Variants in KAT7 observed in about 807,000 individuals in gnomAD.
The protein encoded by KAT7 is lysine acetyltransferase 7.
KAT7 carries 10 observed loss-of-function variants against 82.1 expected under a neutral mutation model. The observed-to-expected ratio is 0.12, with a 90% confidence interval of 0.08 to 0.21. KAT7 has a LOEUF of 0.21. Among genes scored for constraint, KAT7 ranks in the 10% least tolerant of loss-of-function variants. KAT7 has a pLI of 1.00. For missense variants in KAT7, 378 were observed against 760.9 expected, an observed-to-expected ratio of 0.50 and a Z score of 5.92; for synonymous variants, 250 against 262.5, an observed-to-expected ratio of 0.95 and a Z score of 0.46.
chr17:49,804,432 C>T (rs116811570), intron 4 of KAT7, among the ~76,000 whole-genome samples: 3 of 151,252 alleles, frequency 2.0e-5, no homozygotes, highest in Non-Finnish European at 4.4e-5. Flanking sequence ...TTAAATAAAA[C>T]AAGCTTTCGT....
chr17:49,790,192 G>GT (rs1322385936), intron 1 of KAT7, among the ~76,000 whole-genome samples: 1 of 151,914 alleles, frequency 6.6e-6, no homozygotes, highest in African/African-American at 2.4e-5. Flanking sequence ...GTATGTATGT[G>GT]TTTTTTTGTT....
At chr17:49,820,132 T>C (rs1040652623) in intron 9 of KAT7, among the ~76,000 whole-genome samples, 2 of 152,186 alleles carry the variant, frequency 1.3e-5, no homozygotes, top group African/African-American at 4.8e-5. Context: ...CATGGCGCCA[T>C]GCGCCTATAA....
intron 12 of KAT7, among the ~76,000 whole-genome samples, chr17:49,825,530 G>A (rs1426522696): frequency 1.3e-5 from 2 of 152,030 alleles, no homozygotes; most frequent in East Asian, 1.9e-4. Flanking sequence ...AGTCAACTGC[G>A]GTCCAAAAAT....
intron 4 of KAT7, among the ~76,000 whole-genome samples, chr17:49,804,888 T>C (rs2074072613): frequency 6.6e-6 from 1 of 152,252 alleles, no homozygotes; most frequent in African/African-American, 2.4e-5. Flanking sequence ...ACTTATATGA[T>C]AGAAAAGGCC....
chr17:49,803,941 A>G (rs1487829646), intron 4 of KAT7, among the ~76,000 whole-genome samples: 5 of 148,320 alleles, frequency 3.4e-5, no homozygotes, highest in Admixed American at 6.8e-5. Flanking sequence ...CTTGCTATTC[A>G]GGTTAGCTAA....
At position 49,791,934 on chromosome 17, in the gene KAT7, A is replaced by G. The variant is rs768187260; in HGVS notation, c.64A>G (p.Thr22Ala). Reference sequence around the variant, plus strand: ...TGGAACCGAAGATTCCGATTTTTCTACAGATCTCGAGCACACAGACAGTTC... The same window carrying G: ...TGGAACCGAAGATTCCGATTTTTCTGCAGATCTCGAGCACACAGACAGTTC... ...SDGTEDSDFSTDLEHTDSSES... is the reference protein window; with the variant it reads ...SDGTEDSDFSADLEHTDSSES... Residue 22 changes from threonine to alanine, a missense_variant, in exon 2 of 15, where the codon ACA becomes GCA. Transcript: ENST00000259021. The G allele has an allele frequency of 2.0e-5, 33 of 1,614,070 alleles. No homozygotes were observed. The highest frequency in any genetic ancestry group is 2.8e-5 in the Non-Finnish European group (33 of 1,179,998).
At chr17:49,791,294 T>C (rs956032540) in intron 1 of KAT7, among the ~76,000 whole-genome samples, 3 of 152,226 alleles carry the variant, frequency 2.0e-5, no homozygotes, top group African/African-American at 7.2e-5. Context: ...CTCACTACAG[T>C]GGACCTTTTT....
In KAT7 at chr17:49,791,866, C is replaced by G; in HGVS notation, c.16-20C>G. On this transcript the variant is annotated intron_variant, in intron 1 of 14. Coordinates refer to ENST00000259021, the MANE Select transcript of KAT7 (RefSeq NM_007067.5). ...AGACCAAATGCTTCTGTGCTAATAT[C>G]TGGATCTATGGTATTACAGAGGAAT... The G allele has an allele frequency of 6.2e-7, 1 of 1,611,998 alleles. No individual in the cohort carries two copies. The highest frequency in any genetic ancestry group is 8.5e-7 in the Non-Finnish European group (1 of 1,178,178).
intron 6 of KAT7, among the ~76,000 whole-genome samples, chr17:49,811,262 A>G (rs550443199): frequency 1.3e-5 from 2 of 151,894 alleles, no homozygotes; most frequent in South Asian, 4.2e-4. Context: ...GTGCACCACC[A>G]TGCCTGGCTA....
chr17:49,792,324 G>A (rs1278920862), intron 2 of KAT7, among the ~76,000 whole-genome samples: 9 of 152,062 alleles, frequency 5.9e-5, no homozygotes, highest in African/African-American at 1.9e-4. Context: ...TTTTTAGATC[G>A]CAGTGTCTCC....
At chr17:49,813,839 C>T (rs7213050) in intron 7 of KAT7, among the ~76,000 whole-genome samples, 5,125 of 151,666 alleles carry the variant, frequency 0.034, 128 homozygotes, top group Non-Finnish European at 0.057. Flanking sequence ...TGGAACTGGT[C>T]CCCCAGGGAT....
chr17:49,817,419 T>C (rs1408992139), intron 8 of KAT7, among the ~76,000 whole-genome samples: 1 of 152,226 alleles, frequency 6.6e-6, no homozygotes. Flanking sequence ...CAAATCTGTC[T>C]GATTTTTTTC....
intron 7 of KAT7, 152 bp downstream of exon 7, chr17:49,811,726 C>T (rs1340864905): frequency 2.5e-6 from 1 of 405,822 alleles, no homozygotes. Flanking sequence ...GAGTTTATTT[C>T]ATCCCCCAAA....
intron 11 of KAT7, among the ~76,000 whole-genome samples, chr17:49,822,000 AT>A (rs1208760357): frequency 6.6e-6 from 1 of 151,776 alleles, no homozygotes; most frequent in Non-Finnish European, 1.5e-5. Flanking sequence ...TGGTTCATTC[AT>A]TTCTAGAATT....
intron 4 of KAT7, among the ~76,000 whole-genome samples, chr17:49,799,592 G>A (rs925524851): frequency 2.0e-5 from 3 of 152,176 alleles, no homozygotes; most frequent in Non-Finnish European, 2.9e-5. Context: ...GGTCAGGCTG[G>A]TCTCGAACTC....
Position 49,813,996 on chromosome 17 carries a change from A to G in KAT7, c.853-1807A>G, listed in dbSNP as rs1447974016. 2.0e-5 allele frequency among the ~76,000 whole-genome samples: 3 copies of G among 151,928 alleles called. No homozygotes were observed. The East Asian group carries it at 5.8e-4, about 29-fold the overall frequency. ...GCCTCCTGGGTTCTGGGTTCAAGCA[A>G]TTCTCCTGCCTCAGCCTCCTGAGTA... On this transcript the variant is annotated intron_variant, in intron 7 of 14. Coordinates refer to ENST00000259021, the MANE Select transcript of KAT7 (RefSeq NM_007067.5).
chr17:49,795,928 T>A (rs1371269582), intron 2 of KAT7, among the ~76,000 whole-genome samples: 3 of 152,174 alleles, frequency 2.0e-5, no homozygotes, highest in African/African-American at 7.2e-5. Flanking sequence ...ATTAAAAGTC[T>A]CTGTAGTCAT....
intron 4 of KAT7, among the ~76,000 whole-genome samples, chr17:49,801,030 A>G (rs2074018091): frequency 2.6e-5 from 4 of 152,196 alleles, no homozygotes; most frequent in Admixed American, 2.6e-4. Context: ...TTAGAGGCCA[A>G]TATACCTGGG....
At chr17:49,794,597 T>A (rs958161114) in intron 2 of KAT7, among the ~76,000 whole-genome samples, 8 of 152,246 alleles carry the variant, frequency 5.3e-5, no homozygotes, top group Admixed American at 2.6e-4. Context: ...CACACTGAGA[T>A]GTCTTAAAGG....
Sources: gnomAD v4.1 joint callset for allele counts (sites outside exome capture counted in the v4.1 genomes callset) on GRCh38, gnomAD v4.1.1 for gene constraint, MANE v1.5 for transcripts, NCBI Gene and HGNC (gene_info 2026-07-23, HGNC 2026-07-21) for gene names.